Variants in MDGA1 observed in about 807,000 individuals in gnomAD.
MDGA1 encodes MAM domain containing glycosylphosphatidylinositol anchor 1, also known as MAM domain-containing glycosylphosphatidylinositol anchor protein 1.
MDGA1 carries 54 observed loss-of-function variants against 101.5 expected under a neutral mutation model. The ratio of observed to expected loss-of-function variants is 0.53; its 90% CI spans 0.43 to 0.67. The LOEUF (loss-of-function observed/expected upper bound fraction) is 0.67, where lower values mean the gene tolerates loss of function less well. Among genes scored for constraint, MDGA1 ranks in the 30% least tolerant of loss-of-function variants. The pLI is 0.00. For synonymous variants in MDGA1, 533 were observed against 558.3 expected (o/e 0.95, Z 0.64); for missense variants, 1,083 against 1,323.8 (o/e 0.82, Z 2.82).
chr6:37,662,996 A>G (rs1327406737), intron 2 of MDGA1, among the ~76,000 whole-genome samples: 2 of 152,224 alleles, frequency 1.3e-5, no homozygotes, highest in African/African-American at 2.4e-5. Flanking sequence ...AGCAGTGATC[A>G]TAGCTTTTTG....
chr6:37,656,405 C>T (rs938986778), intron 3 of MDGA1, among the ~76,000 whole-genome samples: 2 of 150,898 alleles, frequency 1.3e-5, no homozygotes, highest in African/African-American at 2.4e-5. Flanking sequence ...CAGAGTCTCA[C>T]TCTGTCACCC....
At chr6:37,669,305 A>T (rs548483434) in intron 1 of MDGA1, among the ~76,000 whole-genome samples, 1 of 152,312 alleles carries the variant, frequency 6.6e-6, no homozygotes, top group East Asian at 1.9e-4. Context: ...ATTACACCTC[A>T]GTTTTTAGAA....
Position 37,654,305 on chromosome 6 carries a change from A to C in MDGA1, c.951T>G (p.Pro317=), listed in dbSNP as rs1443854282. Residue 317 remains proline, a synonymous_variant, in exon 6 of 17, where the codon CCT becomes CCG. Coordinates refer to ENST00000434837, the MANE Select transcript of MDGA1 (RefSeq NM_153487.4). Reference sequence around the variant, plus strand: ...CCAGCAGGTTGACAGTCTTCTTGGCAGGGTTGCCCACATTGTTGGTGGCTG... The same window carrying C: ...CCAGCAGGTTGACAGTCTTCTTGGCCGGGTTGCCCACATTGTTGGTGGCTG... ...NCTATNNVGN[P]AKKTVNLLVR... 6.4e-7 allele frequency: 1 copy of C among 1,570,418 alleles called. No individual in the cohort carries two copies. The highest frequency in any genetic ancestry group is 8.6e-7 in the Non-Finnish European group (1 of 1,157,256).
chr6:37,666,116 G>C (rs1369267801), intron 1 of MDGA1, among the ~76,000 whole-genome samples: 1 of 151,834 alleles, frequency 6.6e-6, no homozygotes, highest in Non-Finnish European at 1.5e-5. Context: ...GGGAGGCCGA[G>C]GCGGGTGGAT....
intron 5 of MDGA1, 103 bp downstream of exon 5, chr6:37,654,697 C>G: frequency 6.5e-7 from 1 of 1,549,780 alleles, no homozygotes; most frequent in Non-Finnish European, 8.8e-7. Context: ...AGGGGCCAGA[C>G]ATTAGTGGCA....
chr6:37,641,153 T>C (rs1311907147), intron 14 of MDGA1, among the ~76,000 whole-genome samples: 8 of 152,130 alleles, frequency 5.3e-5, no homozygotes, highest in Non-Finnish European at 1.0e-4. Context: ...TCTTGCTGGC[T>C]CTCCTTGGTC....
rs1763811133 is a variant in MDGA1, at chr6:37,630,760, T to C, written c.*6608A>G. On this transcript the variant is annotated 3_prime_UTR_variant, in exon 17 of 17. Coordinates refer to ENST00000434837, the MANE Select transcript of MDGA1 (RefSeq NM_153487.4). ...TTGGCCGAGCAATTCAGGTGGCAGT[T>C]AGGCTGGTCTGGAAGGTCTGAGGCA... 1 of 152,272 alleles carries C rather than the reference T, an allele frequency of 6.6e-6. No homozygotes were observed. The highest frequency in any genetic ancestry group is 2.1e-4 in the South Asian group (1 of 4,828). The allele number at this position is 152,272 out of a possible 1,614,324, so 9.4% of individuals were successfully genotyped here. A position where few individuals can be genotyped will look rare whatever the true frequency, so the allele number is the denominator to read the frequency against.
chr6:37,647,910 C>A (rs975130855), intron 9 of MDGA1, among the ~76,000 whole-genome samples: 3 of 152,118 alleles, frequency 2.0e-5, no homozygotes, highest in Non-Finnish European at 4.4e-5. Context: ...AGCTGAAGGG[C>A]CACTTAGTCA....
chr6:37,654,706 C>T, intron 5 of MDGA1, 94 bp downstream of exon 5: 3 of 1,554,946 alleles, frequency 1.9e-6, no homozygotes, highest in Non-Finnish European at 2.6e-6. Context: ...ACATTAGTGG[C>T]AGTGTGCCTG....
chr6:37,645,929 T>C lies in MDGA1; in HGVS notation c.2248+4A>G. ...GGAAGTCATGGGTGACTGGGGAGTCTCACCTGAAAGGTTCGGAGAGTTGAT... is the reference window on the plus strand; with the variant it reads ...GGAAGTCATGGGTGACTGGGGAGTCCCACCTGAAAGGTTCGGAGAGTTGAT... On this transcript the variant is annotated splice_donor_region_variant and intron_variant, in intron 12 of 16. Coordinates refer to ENST00000434837, the MANE Select transcript of MDGA1 (RefSeq NM_153487.4). 6.2e-7 allele frequency: 1 copy of C among 1,614,000 alleles called. No individual in the cohort carries two copies. The highest frequency in any genetic ancestry group is 8.5e-7 in the Non-Finnish European group (1 of 1,179,882).
Position 37,631,719 on chromosome 6 carries a change from C to T in MDGA1, c.*5649G>A, listed in dbSNP as rs1027619495. The T allele has an allele frequency of 2.6e-5, 4 of 152,078 alleles. No individual in the cohort carries two copies. Among genetic ancestry groups the T allele is most frequent in the African/African-American group, 9.7e-5 (4 of 41,400 alleles). 9.4% of individuals were successfully genotyped at this position (152,078 alleles called of 1,614,324 possible). A position where few individuals can be genotyped will look rare whatever the true frequency, so the allele number is the denominator to read the frequency against. On this transcript the variant is annotated 3_prime_UTR_variant, in exon 17 of 17. Coordinates refer to ENST00000434837, the MANE Select transcript of MDGA1 (RefSeq NM_153487.4). The stretch of plus-strand genomic sequence containing the variant: ...TGAGTAGATGTTTGAAATAAGTGAC[C>T]TTTAAGGACCTCCTAGCTCTGAAAT...
chr6:37,695,183 C>A (rs1006296865), intron 1 of MDGA1, among the ~76,000 whole-genome samples: 22 of 152,096 alleles, frequency 1.4e-4, no homozygotes, highest in African/African-American at 5.3e-4. Context: ...GAAGGGCTCT[C>A]CATCACCCTC....
intron 13 of MDGA1, among the ~76,000 whole-genome samples, 168 bp from the exon 14 acceptor site, chr6:37,644,111 CACG>C (rs2114005164): frequency 2.7e-5 from 1 of 36,598 alleles, no homozygotes; most frequent in East Asian, 7.9e-4. Context: ...TGCCTCACCC[CACG>C]CATCCTGCCT....
chr6:37,682,615 T>C (rs916053884), intron 1 of MDGA1, among the ~76,000 whole-genome samples: 11 of 152,150 alleles, frequency 7.2e-5, no homozygotes, highest in African/African-American at 2.7e-4. Flanking sequence ...ACTTCTCTTG[T>C]TTTCTCTGGG....
At chr6:37,642,179 CTTTT>C (rs34171567) in intron 14 of MDGA1, among the ~76,000 whole-genome samples, 10 of 109,346 alleles carry the variant, frequency 9.1e-5, no homozygotes, top group African/African-American at 1.3e-4. Context: ...TGGTTTCTTT[CTTTT>C]TTTTTTTTTT....
intron 1 of MDGA1, among the ~76,000 whole-genome samples, chr6:37,672,415 G>C (rs1012264539): frequency 6.6e-6 from 1 of 152,166 alleles, no homozygotes; most frequent in African/African-American, 2.4e-5. Context: ...CTCCAGCCTG[G>C]GCGACAGAGC....
At chr6:37,644,453 C>T in intron 13 of MDGA1, 44 bp downstream of exon 13, 1 of 1,498,842 alleles carries the variant, frequency 6.7e-7, no homozygotes, top group Non-Finnish European at 8.9e-7. Context: ...CTAGACACCC[C>T]CCTGAAGCAA....
At chr6:37,668,516 T>C (rs1489830608) in intron 1 of MDGA1, among the ~76,000 whole-genome samples, 2 of 152,174 alleles carry the variant, frequency 1.3e-5, no homozygotes, top group Non-Finnish European at 2.9e-5. Context: ...GTGTCATCCA[T>C]CAAGAATTCT....
intron 9 of MDGA1, 95 bp from the exon 10 acceptor site, chr6:37,647,419 G>T: frequency 1.4e-6 from 1 of 717,980 alleles, no homozygotes; most frequent in East Asian, 3.1e-5. Context: ...GGATGAGGTG[G>T]AAAACAGAGA....
Sources: gnomAD v4.1 joint callset for allele counts (sites outside exome capture counted in the v4.1 genomes callset) on GRCh38, gnomAD v4.1.1 for gene constraint, MANE v1.5 for transcripts, NCBI Gene and HGNC (gene_info 2026-07-23, HGNC 2026-07-21) for gene names.